The following ADGRV1 variants were observed in gnomAD, a reference collection of about 807,000 sequenced individuals.
ADGRV1 encodes the protein G-protein coupled receptor 98.
Under a neutral mutation model 596.2 loss-of-function variants are expected in ADGRV1, and 359 were observed. The ratio of observed to expected loss-of-function variants is 0.60; its 90% CI spans 0.55 to 0.66. ADGRV1 has a LOEUF of 0.66. Among genes scored for constraint, ADGRV1 ranks in the 30% least tolerant of loss-of-function variants. ADGRV1 has a pLI of 0.00. For synonymous variants in ADGRV1, 2,681 were observed against 2,679.2 expected, an observed-to-expected ratio of 1.00 and a Z score of -0.02; for missense variants, 7,274 against 7,575.6, an observed-to-expected ratio of 0.96 and a Z score of 1.48.
chr5:90,752,013 A>T (rs1211234089), intron 53 of ADGRV1, among the ~76,000 whole-genome samples: 1 of 152,174 alleles, frequency 6.6e-6, no homozygotes, highest in African/African-American at 2.4e-5. Context: ...AGAATTAATT[A>T]TTTCATTCAG....
chr5:90,868,510 ACTT>A (rs1002954841), intron 83 of ADGRV1, among the ~76,000 whole-genome samples: 1 of 152,006 alleles, frequency 6.6e-6, no homozygotes, highest in Non-Finnish European at 1.5e-5. Context: ...AATTTGTAAA[ACTT>A]CTCAGTGTTG....
At chr5:91,074,657 T>A (rs1433511268) in intron 86 of ADGRV1, among the ~76,000 whole-genome samples, 2 of 152,242 alleles carry the variant, frequency 1.3e-5, no homozygotes, top group African/African-American at 4.8e-5. Flanking sequence ...GTCTTCATGG[T>A]AGAACAATTT....
chr5:91,110,215 A>G (rs1792248994), intron 87 of ADGRV1, among the ~76,000 whole-genome samples: 1 of 152,208 alleles, frequency 6.6e-6, no homozygotes, highest in South Asian at 2.1e-4. Context: ...TATTCAGGCC[A>G]AGGTATATCC....
intron 78 of ADGRV1, among the ~76,000 whole-genome samples, chr5:90,843,927 C>G (rs975665591): frequency 1.3e-5 from 2 of 151,982 alleles, no homozygotes; most frequent in African/African-American, 4.8e-5. Context: ...AATAATAAAA[C>G]AAGAACTGAA....
chr5:91,031,182 C>T, intron 85 of ADGRV1: 2 of 1,482,000 alleles, frequency 1.3e-6, no homozygotes, highest in African/African-American at 1.4e-5. Context: ...ACCAAAAAGG[C>T]AAGAAGAGTA....
intron 3 of ADGRV1, among the ~76,000 whole-genome samples, chr5:90,618,445 C>G (rs892908356): frequency 3.3e-5 from 5 of 152,236 alleles, no homozygotes; most frequent in Admixed American, 2.6e-4. Flanking sequence ...CTCGCTAACA[C>G]CATTCTGGTT....
At chr5:90,841,085 A>G in intron 78 of ADGRV1, 100 bp downstream of exon 78, 1 of 771,474 alleles carries the variant, frequency 1.3e-6, no homozygotes, top group Non-Finnish European at 1.9e-6. Context: ...ATTGGTTATT[A>G]TGAAATTATG....
At chr5:90,579,867 T>C (rs144568446) in intron 1 of ADGRV1, among the ~76,000 whole-genome samples, 1,766 of 152,338 alleles carry the variant, frequency 0.012, 16 homozygotes, top group Non-Finnish European at 0.017. Flanking sequence ...GTAATGGCCT[T>C]CTTTGTCTCT....
At chr5:90,619,870 C>G (rs372964122) in intron 4 of ADGRV1, among the ~76,000 whole-genome samples, 2 of 150,700 alleles carry the variant, frequency 1.3e-5, no homozygotes, top group East Asian at 3.9e-4. Flanking sequence ...TTTGTCCTTG[C>G]GATAGTTTGC....
At chr5:91,141,656 A>T (rs1795111654) in intron 87 of ADGRV1, among the ~76,000 whole-genome samples, 1 of 152,206 alleles carries the variant, frequency 6.6e-6, no homozygotes. Flanking sequence ...AAATATACAA[A>T]TGCAGAAATA....
chr5:90,777,956 A>G lies in ADGRV1; in HGVS notation c.12579A>G (p.Ile4193Met). ...GGGAGGTCACAGTGTTCTGGAGGATATTCCCTCCTTCCGTGGGGGAATTTG... is the reference window on the plus strand; with the variant it reads ...GGGAGGTCACAGTGTTCTGGAGGATGTTCCCTCCTTCCGTGGGGGAATTTG... ...ILGEVTVFWR[I>M]FPPSVGEFAE... The change falls in exon 62 of 90, where the codon ATA becomes ATG. Residue 4193 changes from isoleucine (I) to methionine (M), a missense_variant. Physicochemically the swap from Ile to Met is conservative, Grantham distance 10. This residue lies in a region of ADGRV1 where 3,643 missense variants were observed against 3,809.2 expected (regional missense o/e 0.96). Coordinates refer to ENST00000405460, the MANE Select transcript of ADGRV1 (RefSeq NM_032119.4). The G allele has an allele frequency of 6.2e-7, 1 of 1,612,680 alleles. No individual in the cohort carries two copies. Among genetic ancestry groups the G allele is most frequent in the Non-Finnish European group, 8.5e-7 (1 of 1,179,288 alleles).
chr5:90,753,747 A>G lies in ADGRV1; in HGVS notation c.11295A>G (p.Ile3765Met). 6.2e-7 allele frequency: 1 copy of G among 1,613,546 alleles called. No homozygotes were observed. Among genetic ancestry groups the G allele is most frequent in the Non-Finnish European group, 8.5e-7 (1 of 1,179,668 alleles). Residue 3765 changes from isoleucine (I) to methionine (M), a missense_variant, in exon 54 of 90, where the codon ATA becomes ATG. Transcript: ENST00000405460. Reference sequence around the variant, plus strand: ...ATCAGGACAGAAGCAAGTCTGTTATAACAACTTTGCCCAATGACTCACCTT... The same window carrying G: ...ATCAGGACAGAAGCAAGTCTGTTATGACAACTTTGCCCAATGACTCACCTT... ...TIDQDRSKSV[I>M]TTLPNDSPFG...
intron 17 of ADGRV1, among the ~76,000 whole-genome samples, chr5:90,651,058 A>G (rs1241195782): frequency 2.0e-5 from 3 of 152,188 alleles, no homozygotes; most frequent in Non-Finnish European, 2.9e-5. Context: ...TCAAGCCCAA[A>G]CCATGGAGAC....
intron 83 of ADGRV1, among the ~76,000 whole-genome samples, chr5:90,893,966 A>G (rs1485753597): frequency 1.3e-5 from 2 of 152,220 alleles, no homozygotes; most frequent in African/African-American, 4.8e-5. Flanking sequence ...CATAAAGAGG[A>G]TATCATTAAA....
chr5:90,758,396 A>G (rs890819817), intron 57 of ADGRV1, among the ~76,000 whole-genome samples: 1 of 152,214 alleles, frequency 6.6e-6, no homozygotes, highest in Non-Finnish European at 1.5e-5. Context: ...AAAAGCAGAA[A>G]CAAATACATT....
intron 50 of ADGRV1, among the ~76,000 whole-genome samples, chr5:90,741,362 C>A (rs1753940618): frequency 9.7e-6 from 1 of 103,202 alleles, no homozygotes; most frequent in Non-Finnish European, 1.9e-5. Flanking sequence ...CTAAGATATA[C>A]AACTTGAGTG....
At chr5:90,760,500 T>C (rs1756405517) in intron 58 of ADGRV1, among the ~76,000 whole-genome samples, 1 of 152,176 alleles carries the variant, frequency 6.6e-6, no homozygotes. Context: ...ATACCACCTA[T>C]TCTCTGCCTG....
chr5:90,584,935 G>A (rs171629), intron 1 of ADGRV1, among the ~76,000 whole-genome samples: 29,701 of 152,058 alleles, frequency 0.2, 3,125 homozygotes, highest in East Asian at 0.41. Flanking sequence ...CACTGCATTT[G>A]CTATTAATTA....
intron 1 of ADGRV1, among the ~76,000 whole-genome samples, chr5:90,593,334 A>G (rs761274342): frequency 6.6e-6 from 1 of 152,160 alleles, no homozygotes; most frequent in Non-Finnish European, 1.5e-5. Context: ...CATCATTCTG[A>G]ACAAACTATC....
Sources: gnomAD v4.1 joint callset for allele counts (sites outside exome capture counted in the v4.1 genomes callset) on GRCh38, gnomAD v4.1.1 for gene constraint, gnomAD v4.1.1 regional missense constraint, MANE v1.5 for transcripts, NCBI Gene and HGNC (gene_info 2026-07-23, HGNC 2026-07-21) for gene names.